The following PCDHA6 variants were observed in gnomAD, a reference collection of about 807,000 sequenced individuals.
The protein encoded by PCDHA6 is protocadherin alpha 6, also known as protocadherin alpha-6.
A neutral mutation model predicts 60.3 loss-of-function variants in PCDHA6; 55 were observed. That is an observed-to-expected ratio of 0.91 (90% CI 0.73 to 1.14). PCDHA6 has a LOEUF of 1.14. Among genes scored for constraint, PCDHA6 ranks in the 50% most tolerant of loss-of-function variants. PCDHA6 has a pLI of 0.00. For synonymous variants in PCDHA6, 652 were observed against 557.9 expected, an observed-to-expected ratio of 1.17 and a Z score of -2.38; for missense variants, 1,327 against 1,256.5, an observed-to-expected ratio of 1.06 and a Z score of -0.85.
chr5:140,830,021 C>A lies in PCDHA6; in HGVS notation c.1930C>A (p.Arg644Ser), dbSNP rs2150179777. ...TGTCCTGGACGAAGCGGACTCTCCG[C>A]GCCACCGGCTGCTGGTGCTGGTGAA... ...TRVLDEADSP[R>S]HRLLVLVKDH... The change falls in exon 1 of 4, where the codon CGC (arginine) becomes AGC (serine). Residue 644 changes from arginine (R) to serine (S), a missense_variant. Arg to Ser is a moderately radical substitution (Grantham distance 110). Transcript: ENST00000529310. 4.3e-6 allele frequency: 7 copies of A among 1,613,920 alleles called. 1 individual carries two copies. Among genetic ancestry groups the A allele is most frequent in the Non-Finnish European group, 5.9e-6 (7 of 1,179,918 alleles).
chr5:140,970,647 T>C lies in PCDHA6; in HGVS notation c.2395-8302T>C, dbSNP rs529255517. Among the ~76,000 whole-genome samples, 9 of 152,352 alleles carry C rather than the reference T, an allele frequency of 5.9e-5. No homozygotes were observed. The South Asian group carries it at 1.9e-3, about 32-fold the overall frequency. On this transcript the variant is annotated intron_variant, in intron 1 of 3. Coordinates refer to ENST00000529310, the MANE Select transcript of PCDHA6 (RefSeq NM_018909.4). ...CAAAATTTTGTACCATAAATAGTGA[T>C]GAATTGTTATCTTTCCAAATAACTA...
At chr5:140,982,191 T>C (rs1431582069) in intron 2 of PCDHA6, among the ~76,000 whole-genome samples, 2 of 152,266 alleles carry the variant, frequency 1.3e-5, no homozygotes, top group Non-Finnish European at 2.9e-5. Flanking sequence ...ATGGGCTTCC[T>C]GTTAGATTTA....
intron 1 of PCDHA6, among the ~76,000 whole-genome samples, chr5:140,972,283 A>C (rs2096528536): frequency 2.7e-5 from 4 of 149,876 alleles, no homozygotes; most frequent in Admixed American, 2.7e-4. Flanking sequence ...TGGACCATAG[A>C]TGTGCGCCAC....
chr5:140,959,538 A>G (rs1310965047), intron 1 of PCDHA6, among the ~76,000 whole-genome samples: 1 of 152,204 alleles, frequency 6.6e-6, no homozygotes, highest in Non-Finnish European at 1.5e-5. Flanking sequence ...TAATTCAGAG[A>G]TGCTGTATAA....
At chr5:140,858,061 C>A (rs1554151115) in intron 1 of PCDHA6, 1 of 1,597,498 alleles carries the variant, frequency 6.3e-7, no homozygotes, top group South Asian at 1.1e-5. Context: ...TTGTGGAGGG[C>A]AGCCAGGCAC....
Position 140,829,609 on chromosome 5 carries a change from C to T in PCDHA6, c.1518C>T (p.Ser506=), listed in dbSNP as rs1562309230. The change falls in exon 1 of 4, where the codon AGC becomes AGT. Residue 506 remains serine, a synonymous_variant. Coordinates refer to ENST00000529310, the MANE Select transcript of PCDHA6 (RefSeq NM_018909.4). The stretch of plus-strand genomic sequence containing the variant: ...GGGTGGGCGAGCGCGCGTTGTCGAG[C>T]TACATTTCGGTGCACGCGGAGAGCG... The part of the protein sequence containing the change: ...ERRVGERALS[S]YISVHAESGK... 1.9e-6 allele frequency: 3 copies of T among 1,612,110 alleles called. No homozygotes were observed. The highest frequency in any genetic ancestry group is 2.5e-6 in the Non-Finnish European group (3 of 1,179,792).
chr5:140,906,702 T>C (rs1315678574), intron 1 of PCDHA6, among the ~76,000 whole-genome samples: 2 of 152,232 alleles, frequency 1.3e-5, no homozygotes, highest in African/African-American at 2.4e-5. Context: ...GGGCCATTTG[T>C]AGTCCTGCCT....
intron 3 of PCDHA6, among the ~76,000 whole-genome samples, chr5:140,999,980 C>A (rs1386394350): frequency 6.6e-6 from 1 of 152,076 alleles, no homozygotes; most frequent in Non-Finnish European, 1.5e-5. Context: ...GCTCTAGCGG[C>A]CTCTGGGTAG....
intron 1 of PCDHA6, among the ~76,000 whole-genome samples, chr5:140,946,059 G>GA (rs2093880331): frequency 6.6e-6 from 1 of 152,156 alleles, no homozygotes; most frequent in East Asian, 1.9e-4. Flanking sequence ...CAGAATGGGA[G>GA]AAAATATTTG....
At chr5:140,843,560 A>T (rs2150362735) in intron 1 of PCDHA6, 1 of 1,595,676 alleles carries the variant, frequency 6.3e-7, no homozygotes, top group Non-Finnish European at 8.6e-7. Context: ...TGCGGTGGGG[A>T]GCTGGTCATA....
intron 1 of PCDHA6, among the ~76,000 whole-genome samples, chr5:140,943,906 C>T (rs963288804): frequency 2.0e-5 from 3 of 152,156 alleles, no homozygotes; most frequent in African/African-American, 7.2e-5. Context: ...ATGTCATGAG[C>T]ACTTTAGCAT....
intron 1 of PCDHA6, among the ~76,000 whole-genome samples, chr5:140,915,602 C>T (rs1298727977): frequency 6.6e-6 from 1 of 151,066 alleles, no homozygotes; most frequent in Non-Finnish European, 1.5e-5. Context: ...TTTTCCCTTA[C>T]TTTCTGTCAA....
chr5:140,853,541 G>A, intron 1 of PCDHA6: 2 of 979,320 alleles, frequency 2.0e-6, no homozygotes, highest in Non-Finnish European at 2.5e-6. Context: ...TTTTCAAGTT[G>A]TAATTACTAT....
At chr5:140,999,666 G>A (rs185222092) in intron 3 of PCDHA6, among the ~76,000 whole-genome samples, 194 of 152,216 alleles carry the variant, frequency 1.3e-3, no homozygotes, top group African/African-American at 4.4e-3. Flanking sequence ...GCTGGGTTGC[G>A]GGGGGCTCAC....
Position 140,850,923 on chromosome 5 carries a change from A to T in PCDHA6, c.2394+20438A>T, listed in dbSNP as rs2150502523. The stretch of plus-strand genomic sequence containing the variant: ...TTCTAGCATTTTATTTATTTATATA[A>T]TTTTTTTTCTTGAAAGATATTATCG... On this transcript the variant is annotated intron_variant, in intron 1 of 3. Transcript: ENST00000529310. 9.9e-6 allele frequency: 15 copies of T among 1,521,828 alleles called. 1 individual carries two copies. In the African/African-American group the frequency reaches 1.4e-4, roughly 14 times the overall value. The allele number at this position is 1,521,828 out of a possible 1,614,324, so 94.3% of individuals were successfully genotyped here.
chr5:141,001,825 CAG>C (rs1244261427), intron 3 of PCDHA6, among the ~76,000 whole-genome samples: 1 of 151,674 alleles, frequency 6.6e-6, no homozygotes, highest in Non-Finnish European at 1.5e-5. Flanking sequence ...CAAATTCTGA[CAG>C]AGAGGGAGAC....
In PCDHA6 at chr5:140,850,134, A is replaced by C. The variant is rs2150469280; in HGVS notation, c.2394+19649A>C. 12 of 1,595,730 alleles carry C rather than the reference A, an allele frequency of 7.5e-6. 1 individual carries two copies. The highest frequency in any genetic ancestry group is 1.0e-5 in the Non-Finnish European group (12 of 1,167,876). On this transcript the variant is annotated intron_variant, in intron 1 of 3. Transcript: ENST00000529310. ...CGACGCGGGCGTGCCGCCTCTGGGC[A>C]GCAACGTGACGCTGCAGGTGTTCGT...
chr5:140,978,661 T>A (rs1035787381), intron 1 of PCDHA6, among the ~76,000 whole-genome samples: 15 of 152,246 alleles, frequency 9.9e-5, no homozygotes, highest in Admixed American at 9.8e-4. Context: ...CCGTAGTGTT[T>A]TAAGAACACA....
chr5:141,011,237 A>G lies in PCDHA6; in HGVS notation c.*1300A>G, dbSNP rs562746586. Reference sequence around the variant, plus strand: ...GATTTTTCAATCTACTAATTCTGTGACTTGTCTTGGTGTGCTAGCCTACAC... The same window carrying G: ...GATTTTTCAATCTACTAATTCTGTGGCTTGTCTTGGTGTGCTAGCCTACAC... On this transcript the variant is annotated 3_prime_UTR_variant, in exon 4 of 4. Transcript: ENST00000529310. The G allele has an allele frequency of 6.5e-6, 1 of 153,754 alleles. No homozygotes were observed. Among genetic ancestry groups the G allele is most frequent in the South Asian group, 2.1e-4 (1 of 4,812 alleles). The allele number at this position is 153,754 out of a possible 1,614,324, so 9.5% of individuals were successfully genotyped here.
Sources: gnomAD v4.1 joint callset for allele counts (sites outside exome capture counted in the v4.1 genomes callset) on GRCh38, gnomAD v4.1.1 for gene constraint, MANE v1.5 for transcripts, NCBI Gene and HGNC (gene_info 2026-07-23, HGNC 2026-07-21) for gene names.